BRD4: variants seen among roughly 807,000 people sequenced by gnomAD.
The protein encoded by BRD4 is bromodomain containing 4, also known as bromodomain-containing protein 4.
BRD4 carries 16 observed loss-of-function variants against 142.1 expected under a neutral mutation model. The observed-to-expected ratio is 0.11, with a 90% CI of 0.08 to 0.17. The LOEUF is 0.17. Ranked by LOEUF, BRD4 falls within the 10% of genes least tolerant of loss-of-function variation. BRD4 has a pLI of 1.00. For missense variants in BRD4, 1,424 were observed against 1,810.9 expected (o/e 0.79, Z 3.88); for synonymous variants, 833 against 707.5 (o/e 1.18, Z -2.82).
intron 1 of BRD4, among the ~76,000 whole-genome samples, chr19:15,319,825 C>G (rs2048046261): frequency 6.6e-6 from 1 of 151,812 alleles, no homozygotes; most frequent in African/African-American, 2.4e-5. Context: ...AGCCCAGTTA[C>G]TTAGGAAGCT....
chr19:15,308,387 G>A (rs946421133), intron 1 of BRD4, among the ~76,000 whole-genome samples: 8 of 150,246 alleles, frequency 5.3e-5, no homozygotes, highest in South Asian at 2.1e-4. Context: ...AGGAGTTCGA[G>A]AGCAGACTGG....
chr19:15,311,170 T>C (rs746957497), intron 1 of BRD4, among the ~76,000 whole-genome samples: 1 of 151,842 alleles, frequency 6.6e-6, no homozygotes, highest in Non-Finnish European at 1.5e-5. Context: ...AAGGGGCCTG[T>C]AGTCCCAGCT....
chr19:15,289,404 G>A (rs1448013217), intron 1 of BRD4, among the ~76,000 whole-genome samples: 1 of 152,018 alleles, frequency 6.6e-6, no homozygotes, highest in Non-Finnish European at 1.5e-5. Context: ...ATATAAAATT[G>A]GCCGGGCATG....
intron 7 of BRD4, among the ~76,000 whole-genome samples, chr19:15,258,185 C>T (rs565784561): frequency 2.6e-5 from 4 of 152,168 alleles, no homozygotes; most frequent in Non-Finnish European, 5.9e-5. Context: ...CAGAGAGGAC[C>T]ACGGCCCTGG....
chr19:15,269,086 GGC>G, intron 2 of BRD4, 44 bp from the exon 3 acceptor site: 1 of 1,609,620 alleles, frequency 6.2e-7, no homozygotes, highest in Non-Finnish European at 8.5e-7. Context: ...TAGGCAGCCA[GGC>G]AGCACAAACG....
At chr19:15,296,682 C>T (rs1393633169) in intron 1 of BRD4, among the ~76,000 whole-genome samples, 1 of 152,170 alleles carries the variant, frequency 6.6e-6, no homozygotes, top group Non-Finnish European at 1.5e-5. Context: ...GTCTCCTGAC[C>T]GTCCAGCCAC....
At chr19:15,313,320 CCAA>C (rs1408805930) in intron 1 of BRD4, among the ~76,000 whole-genome samples, 3 of 148,528 alleles carry the variant, frequency 2.0e-5, no homozygotes, top group African/African-American at 7.5e-5. Context: ...TTGCCGTAAG[CCAA>C]TATCGTGCCA....
intron 2 of BRD4, 31 bp downstream of exon 2, chr19:15,272,784 G>C (rs201931565): frequency 1.3e-6 from 2 of 1,594,104 alleles, no homozygotes; most frequent in South Asian, 2.2e-5. Flanking sequence ...CCTCCAGGAC[G>C]GCCACCCTGG....
chr19:15,311,101 G>A (rs2047966296), intron 1 of BRD4, among the ~76,000 whole-genome samples: 1 of 151,888 alleles, frequency 6.6e-6, no homozygotes, highest in Non-Finnish European at 1.5e-5. Context: ...GACCAGCATG[G>A]CCAACATGGC....
rs142874984 is a variant in BRD4 at position 15,264,232 on chromosome 19, G to A, written c.1212+172C>T. 97 of 824,516 alleles carry A rather than the reference G, an allele frequency of 1.2e-4. No individual in the cohort carries two copies. The East Asian group carries it at 2.4e-3, about 21-fold the overall frequency. The allele number at this position is 824,516 out of a possible 1,614,324, so 51.1% of individuals were successfully genotyped here. A position where few individuals can be genotyped will look rare whatever the true frequency, so the allele number is the denominator to read the frequency against. On this transcript the variant is annotated intron_variant, in intron 6 of 19. Transcript: ENST00000679869. ...GGCCAAGCACCAGGTCTCAGAGCAC[G>A]TCCCACAGCAGACAGCAGGGGGCGC... is the stretch of plus-strand genomic sequence containing the variant.
chr19:15,316,284 C>T (rs1375881445), intron 1 of BRD4, among the ~76,000 whole-genome samples: 1 of 151,908 alleles, frequency 6.6e-6, no homozygotes, highest in Non-Finnish European at 1.5e-5. Context: ...TTACTTACTT[C>T]CCCCCAACCA....
rs1410365873 is a variant in BRD4 at position 15,264,428 on chromosome 19, G to A, written c.1188C>T (p.His396=). ...GLHDYCDIIK[H]PMDMSTIKSK... ...CCTTGATTGTGCTCATGTCCATGGG[G>A]TGCTTGATGATGTCACAGTAGTCGT... is the stretch of plus-strand genomic sequence containing the variant. The change falls in exon 6 of 20, where the codon CAC becomes CAT. Residue 396 remains histidine (H), a synonymous_variant. Transcript: ENST00000679869. 2 of 1,610,884 alleles carry A rather than the reference G, an allele frequency of 1.2e-6. No homozygotes were observed. Among genetic ancestry groups the A allele is most frequent in the South Asian group, 1.1e-5 (1 of 90,918 alleles).
chr19:15,240,607 C>A (rs1012823621), intron 14 of BRD4, among the ~76,000 whole-genome samples: 1 of 152,184 alleles, frequency 6.6e-6, no homozygotes, highest in African/African-American at 2.4e-5. Flanking sequence ...GAGTGGGGAG[C>A]AGGCGGAAAA....
At chr19:15,323,651 C>A in intron 1 of BRD4, among the ~76,000 whole-genome samples, 1 of 152,258 alleles carries the variant, frequency 6.6e-6, no homozygotes, top group South Asian at 2.1e-4. Context: ...TACTAATTCA[C>A]GTTTCTGAAA....
At chr19:15,279,087 C>T (rs2047680655) in intron 1 of BRD4, among the ~76,000 whole-genome samples, 1 of 152,130 alleles carries the variant, frequency 6.6e-6, no homozygotes, top group Non-Finnish European at 1.5e-5. Context: ...ATGATCCGCC[C>T]ACTTCGGCCG....
chr19:15,303,226 A>G (rs1182525330), intron 1 of BRD4, among the ~76,000 whole-genome samples: 1 of 152,172 alleles, frequency 6.6e-6, no homozygotes, highest in African/African-American at 2.4e-5. Context: ...GTTAATACAT[A>G]GCTATTCAAG....
intron 14 of BRD4, 81 bp from the exon 15 acceptor site, chr19:15,240,103 G>A (rs1226739508): frequency 6.6e-7 from 1 of 1,507,920 alleles, no homozygotes; most frequent in Admixed American, 2.2e-5. Context: ...AGGAAAACGT[G>A]GGCTGTATGG....
intron 6 of BRD4, chr19:15,264,093 A>G (rs1431932510): frequency 3.0e-6 from 1 of 333,082 alleles, no homozygotes; most frequent in Non-Finnish European, 5.5e-6. Context: ...ACTCCCATGG[A>G]GCATCTACTG....
chr19:15,237,999 G>A lies in BRD4; in HGVS notation c.*378C>T. 4.1e-6 allele frequency: 1 copy of A among 245,546 alleles called. No homozygotes were observed. Among genetic ancestry groups the A allele is most frequent in the Middle Eastern group, 1.2e-3 (1 of 832 alleles). The allele number at this position is 245,546 out of a possible 1,614,324, so 15.2% of individuals were successfully genotyped here. ...AGGACATCACGAACGTCACGTTCTTGGGGACAGAAAACCAGTCACGGCGGC... is the reference window on the plus strand; with the variant it reads ...AGGACATCACGAACGTCACGTTCTTAGGGACAGAAAACCAGTCACGGCGGC... On this transcript the variant is annotated 3_prime_UTR_variant, in exon 20 of 20. Coordinates refer to ENST00000679869, the MANE Select transcript of BRD4 (RefSeq NM_001379291.1).
Sources: gnomAD v4.1 joint callset for allele counts (sites outside exome capture counted in the v4.1 genomes callset) on GRCh38, gnomAD v4.1.1 for gene constraint, MANE v1.5 for transcripts, NCBI Gene and HGNC (gene_info 2026-07-23, HGNC 2026-07-21) for gene names.